KLHL29: variants seen among roughly 807,000 people sequenced by gnomAD.
KLHL29 encodes kelch-like protein 29.
Under a neutral mutation model 80.4 loss-of-function variants are expected in KLHL29, and 21 were observed. That is an observed-to-expected ratio of 0.26 (90% confidence interval 0.19 to 0.38). The LOEUF is 0.38. KLHL29 is among the 10% of genes least tolerant of loss of function. The pLI, the probability that KLHL29 is intolerant of heterozygous loss-of-function variation, is 1.00. For missense variants in KLHL29, 867 were observed against 1,223.9 expected, an observed-to-expected ratio of 0.71 and a Z score of 4.35; for synonymous variants, 511 against 526.8, an observed-to-expected ratio of 0.97 and a Z score of 0.41.
At chr2:23,534,685 G>A (rs1193260720) in intron 2 of KLHL29, among the ~76,000 whole-genome samples, 1 of 152,184 alleles carries the variant, frequency 6.6e-6, no homozygotes, top group East Asian at 1.9e-4. Context: ...GAGGCTCATA[G>A]AGTGGATGTG....
chr2:23,587,623 A>T (rs1034624717), intron 3 of KLHL29, among the ~76,000 whole-genome samples: 1 of 152,194 alleles, frequency 6.6e-6, no homozygotes, highest in Non-Finnish European at 1.5e-5. Context: ...GCCTGGTCCC[A>T]TGTTTCATGA....
At chr2:23,394,883 T>C (rs1402444630) in intron 1 of KLHL29, among the ~76,000 whole-genome samples, 1 of 152,240 alleles carries the variant, frequency 6.6e-6, no homozygotes, top group African/African-American at 2.4e-5. Context: ...GTCAGAAGGC[T>C]TCCTGGGGTG....
rs575181224 is a variant in KLHL29 at position 23,703,953 on chromosome 2, C to G, written c.2444+90C>G. On this transcript the variant is annotated intron_variant, in intron 13 of 13. Coordinates refer to ENST00000486442, the MANE Select transcript of KLHL29 (RefSeq NM_052920.2). ...ACAATGATTTCCTGCCATCAGTGACCATAGCAATTCCCAGGCCCAGAGCAG... is the reference window on the plus strand; with the variant it reads ...ACAATGATTTCCTGCCATCAGTGACGATAGCAATTCCCAGGCCCAGAGCAG... 9 of 1,377,162 alleles carry G rather than the reference C, an allele frequency of 6.5e-6. No homozygotes were observed. In the South Asian group the frequency reaches 1.3e-4, roughly 20 times the overall value. 85.3% of individuals were successfully genotyped at this position (1,377,162 alleles called of 1,614,324 possible).
intron 3 of KLHL29, among the ~76,000 whole-genome samples, chr2:23,605,647 A>G (rs1008447533): frequency 6.6e-6 from 1 of 152,198 alleles, no homozygotes; most frequent in African/African-American, 2.4e-5. Context: ...ATAGACACAT[A>G]TCCTAGCCTC....
chr2:23,476,426 C>T (rs1335247945), intron 2 of KLHL29, among the ~76,000 whole-genome samples: 1 of 151,880 alleles, frequency 6.6e-6, no homozygotes, highest in Non-Finnish European at 1.5e-5. Context: ...CAGAGATAAC[C>T]ATTTTAGTGT....
rs1317710561 is a variant in KLHL29 at position 23,442,227 on chromosome 2, AC to A, written c.-153-33331del. Among the ~76,000 whole-genome samples the A allele has an allele frequency of 9.2e-5, 14 of 152,216 alleles. No homozygotes were observed. The East Asian group carries it at 1.9e-3, about 21-fold the overall frequency. Reference sequence around the variant, plus strand: ...CACCTCAGCCTTCCAAGTAGCTGAGACCACAGACTTGTGCCACCATGCCCAG... The same window carrying A: ...CACCTCAGCCTTCCAAGTAGCTGAGACACAGACTTGTGCCACCATGCCCAG... On this transcript the variant is annotated intron_variant, in intron 1 of 13. Transcript: ENST00000486442.
chr2:23,558,422 T>TCTTTTTTTTTC (rs1553338686), intron 2 of KLHL29, among the ~76,000 whole-genome samples: 27 of 150,732 alleles, frequency 1.8e-4, no homozygotes, highest in South Asian at 1.3e-3. Flanking sequence ...TTTTTTTTTT[T>TCTTTTTTTTTC]CTTTGGTCTC....
chr2:23,645,517 A>G (rs1419552182), intron 5 of KLHL29, among the ~76,000 whole-genome samples: 1 of 152,186 alleles, frequency 6.6e-6, no homozygotes, highest in Non-Finnish European at 1.5e-5. Flanking sequence ...GCCCAGCATT[A>G]TAATAAGATC....
At chr2:23,592,469 C>G (rs1359529650) in intron 3 of KLHL29, among the ~76,000 whole-genome samples, 2 of 152,238 alleles carry the variant, frequency 1.3e-5, no homozygotes, top group Non-Finnish European at 2.9e-5. Flanking sequence ...AAGCAGGGAC[C>G]TAGCAGTTGA....
chr2:23,691,921 A>T (rs901707903), intron 7 of KLHL29, 45 bp downstream of exon 7: 1 of 1,521,844 alleles, frequency 6.6e-7, no homozygotes, highest in South Asian at 1.2e-5. Flanking sequence ...AAGAGTGCAG[A>T]TGGGCGGAGA....
intron 1 of KLHL29, among the ~76,000 whole-genome samples, chr2:23,432,898 A>G (rs553763723): frequency 6.7e-4 from 102 of 152,344 alleles, no homozygotes; most frequent in Admixed American, 1.0e-3. Flanking sequence ...AGAACTATCA[A>G]TGGCAGGGAG....
At chr2:23,632,956 C>G (rs889400904) in intron 3 of KLHL29, among the ~76,000 whole-genome samples, 1 of 147,034 alleles carries the variant, frequency 6.8e-6, no homozygotes, top group Non-Finnish European at 1.5e-5. Flanking sequence ...AGAAAGTTTT[C>G]TGATGTAGGG....
chr2:23,695,718 A>C lies in KLHL29; in HGVS notation c.1638A>C (p.Ser546=). ...ACAATGAAGAGCTGATCAAGTCATC[A>C]GAAGCCTGCCGGGACCTGGTGAACG... The part of the protein sequence containing the change: ...VVDNEELIKS[S]EACRDLVNEA... Residue 546 remains serine (S), a synonymous_variant, in exon 9 of 14, where the codon TCA becomes TCC. Transcript: ENST00000486442. This position sits in a 1 kb window ranked among gnomAD's most constrained non-coding sequence, Gnocchi z 7.6. 6.4e-7 allele frequency: 1 copy of C among 1,551,650 alleles called. No homozygotes were observed. The highest frequency in any genetic ancestry group is 8.7e-7 in the Non-Finnish European group (1 of 1,146,994).
intron 2 of KLHL29, among the ~76,000 whole-genome samples, chr2:23,539,030 A>C (rs1474789552): frequency 6.6e-6 from 1 of 152,260 alleles, no homozygotes; most frequent in African/African-American, 2.4e-5. Context: ...GGATGAAGAG[A>C]AGGGCTGGGA....
At chr2:23,546,786 A>G (rs2103486732) in intron 2 of KLHL29, among the ~76,000 whole-genome samples, 1 of 152,350 alleles carries the variant, frequency 6.6e-6, no homozygotes, top group African/African-American at 2.4e-5. Context: ...GGGGACACCA[A>G]GGCTGTGCCT....
intron 1 of KLHL29, among the ~76,000 whole-genome samples, chr2:23,472,401 C>T (rs1441191752): frequency 2.0e-5 from 3 of 151,984 alleles, no homozygotes; most frequent in South Asian, 2.1e-4. Context: ...TTTGGGAGGC[C>T]GAGGCGGGCG....
chr2:23,408,919 A>C (rs1439070375), intron 1 of KLHL29, among the ~76,000 whole-genome samples: 1 of 152,184 alleles, frequency 6.6e-6, no homozygotes, highest in Non-Finnish European at 1.5e-5. Context: ...CCCTGAAGCA[A>C]CAGACAACCA....
intron 2 of KLHL29, among the ~76,000 whole-genome samples, chr2:23,492,079 G>A (rs192565637): frequency 5.1e-4 from 77 of 152,272 alleles, no homozygotes; most frequent in Non-Finnish European, 8.5e-4. Context: ...TGGCCCCAGC[G>A]GGAGCTCTAG....
In KLHL29 at chr2:23,562,590, C is replaced by A; in HGVS notation, c.285+109C>A. 9.0e-7 allele frequency: 1 copy of A among 1,111,156 alleles called. No homozygotes were observed. Among genetic ancestry groups the A allele is most frequent in the Non-Finnish European group, 1.2e-6 (1 of 800,680 alleles). 68.8% of individuals were successfully genotyped at this position (1,111,156 alleles called of 1,614,324 possible). ...TGTGGGGCAGCCTGTGCTCCACGCC[C>A]CGAGTCCTCCAGAGTCTTGTCCTTC... On this transcript the variant is annotated intron_variant, in intron 3 of 13. Transcript: ENST00000486442. This position sits in a 1 kb window ranked among gnomAD's most constrained non-coding sequence, Gnocchi z 4.5.
Sources: gnomAD v4.1 joint callset for allele counts (sites outside exome capture counted in the v4.1 genomes callset) on GRCh38, gnomAD v4.1.1 for gene constraint, Gnocchi (gnomAD v3.1) non-coding constraint, MANE v1.5 for transcripts, NCBI Gene and HGNC (gene_info 2026-07-23, HGNC 2026-07-21) for gene names.